AFG2B: variants seen among roughly 807,000 people sequenced by gnomAD.
AFG2B encodes AAA ATPase AFG2B.
chr15:45,412,973 A>T, the AFG2B span, among the ~76,000 whole-genome samples: 1 of 152,262 alleles, frequency 6.6e-6, no homozygotes, highest in African/African-American at 2.4e-5. Flanking sequence ...TAATTTATTC[A>T]TCTTAACCAG....
the AFG2B span, among the ~76,000 whole-genome samples, chr15:45,404,682 C>T: frequency 6.6e-6 from 1 of 151,782 alleles, no homozygotes; most frequent in African/African-American, 2.4e-5. Flanking sequence ...GTGGCACATG[C>T]CTGTAGTTCT....
chr15:45,410,166 ACT>A, the AFG2B span, among the ~76,000 whole-genome samples: 4 of 152,036 alleles, frequency 2.6e-5, no homozygotes, highest in African/African-American at 7.2e-5. Flanking sequence ...AAATACACAA[ACT>A]CTTGACATCT....
the AFG2B span, chr15:45,417,337 A>G: frequency 5.0e-6 from 8 of 1,614,088 alleles, no homozygotes; most frequent in Admixed American, 1.7e-5. Flanking sequence ...TGTGTTAGAT[A>G]CTGCTTTGTT....
chr15:45,415,810 G>GTATT, the AFG2B span: 1 of 1,602,550 alleles, frequency 6.2e-7, no homozygotes, highest in Non-Finnish European at 8.5e-7. Flanking sequence ...AAATGAAGAG[G>GTATT]TATTTATTAG....
chr15:45,408,387 C>T, the AFG2B span, among the ~76,000 whole-genome samples: 1 of 152,212 alleles, frequency 6.6e-6, no homozygotes, highest in East Asian at 1.9e-4. Flanking sequence ...CTGTCATCTC[C>T]ATATATATGT....
chr15:45,410,398 A>G, the AFG2B span: 1 of 1,613,744 alleles, frequency 6.2e-7, no homozygotes, highest in South Asian at 1.1e-5. Flanking sequence ...TGATTGATGA[A>G]ATAGACTTCC....
the AFG2B span, among the ~76,000 whole-genome samples, chr15:45,418,128 G>A: frequency 1.6e-4 from 25 of 152,042 alleles, no homozygotes; most frequent in African/African-American, 6.0e-4. Context: ...TAGATCACCA[G>A]AGGTCAGGAG....
chr15:45,403,554 G>A, the AFG2B span: 3 of 1,585,196 alleles, frequency 1.9e-6, no homozygotes, highest in Non-Finnish European at 2.6e-6. Context: ...ACTGTCGGTG[G>A]AACCTCGGCC....
the AFG2B span, chr15:45,405,320 G>A: frequency 6.2e-7 from 1 of 1,613,560 alleles, no homozygotes; most frequent in Non-Finnish European, 8.5e-7. Flanking sequence ...TTGCATATAG[G>A]TGGTCATTGG....
chr15:45,418,294 A>G, the AFG2B span, among the ~76,000 whole-genome samples: 1 of 150,836 alleles, frequency 6.6e-6, no homozygotes, highest in Non-Finnish European at 1.5e-5. Flanking sequence ...TAGTGAGCCA[A>G]GATCGTGCCA....
chr15:45,402,729 C>G, the AFG2B span: 7 of 1,564,898 alleles, frequency 4.5e-6, no homozygotes, highest in Non-Finnish European at 6.0e-6. Flanking sequence ...ATCGCCTCCT[C>G]CTAGTGCCCT....
At chr15:45,415,104 T>C in the AFG2B span, among the ~76,000 whole-genome samples, 5 of 152,338 alleles carry the variant, frequency 3.3e-5, no homozygotes, top group African/African-American at 9.6e-5. Context: ...TTTGAAAATA[T>C]GGTTTTTAAC....
At chr15:45,402,601 C>T in the AFG2B span, 1 of 1,573,474 alleles carries the variant, frequency 6.4e-7, no homozygotes, top group Non-Finnish European at 8.6e-7. Flanking sequence ...CGGCTCCTGC[C>T]TCTGCACTGC....
chr15:45,419,184 G>A, the AFG2B span, among the ~76,000 whole-genome samples: 4 of 152,132 alleles, frequency 2.6e-5, no homozygotes, highest in African/African-American at 4.8e-5. Context: ...GTGGTGGCTC[G>A]TGCCTGTGAT....
chr15:45,410,484 GGGA>G, the AFG2B span: 1 of 1,612,398 alleles, frequency 6.2e-7, no homozygotes, highest in Non-Finnish European at 8.5e-7. Flanking sequence ...CCTGTTGACT[GGGA>G]GGAGATTGGT....
At chr15:45,408,906 C>T in the AFG2B span, among the ~76,000 whole-genome samples, 1 of 152,080 alleles carries the variant, frequency 6.6e-6, no homozygotes, top group Non-Finnish European at 1.5e-5. Flanking sequence ...TAAACTTTTA[C>T]TCCCCTCAAC....
At chr15:45,414,519 T>C in the AFG2B span, 4 of 1,530,736 alleles carry the variant, frequency 2.6e-6, no homozygotes, top group Admixed American at 1.8e-5. Context: ...CTGGATGATA[T>C]GACATTTTAT....
the AFG2B span, chr15:45,407,160 A>G: frequency 3.9e-6 from 5 of 1,283,526 alleles, no homozygotes; most frequent in Non-Finnish European, 5.1e-6. Context: ...CTGAGTTCAG[A>G]AACAACCCAG....
At chr15:45,408,064 G>A in the AFG2B span, among the ~76,000 whole-genome samples, 144 of 152,182 alleles carry the variant, frequency 9.5e-4, no homozygotes, top group African/African-American at 3.3e-3. Flanking sequence ...TCCTTGATAG[G>A]GAATGAACAA....
Sources: gnomAD v4.1 joint callset for allele counts (sites outside exome capture counted in the v4.1 genomes callset) on GRCh38, gnomAD v4.1.1 for gene constraint, MANE v1.5 for transcripts, NCBI Gene and HGNC (gene_info 2026-07-23, HGNC 2026-07-21) for gene names.